SASH1: variants seen among roughly 807,000 people sequenced by gnomAD.
SASH1 encodes SAM and SH3 domain-containing protein 1.
In SASH1, 44 loss-of-function variants were observed where a neutral mutation model predicts 125.2. The observed-to-expected ratio is 0.35, with a 90% CI of 0.28 to 0.45. The LOEUF is 0.45. Among genes scored for constraint, SASH1 ranks in the 20% least tolerant of loss-of-function variants. The probability of loss-of-function intolerance (pLI) is 1.00; values close to 1 mark genes in which losing one functional copy is unlikely to be tolerated. For missense variants in SASH1, 1,426 were observed against 1,614.5 expected (o/e 0.88, Z 2.00); for synonymous variants, 639 against 649.1 (o/e 0.98, Z 0.24).
intron 8 of SASH1, among the ~76,000 whole-genome samples, chr6:148,491,221 G>A (rs1779093441): frequency 6.6e-6 from 1 of 152,174 alleles, no homozygotes; most frequent in Non-Finnish European, 1.5e-5. Context: ...CCAATGTCCA[G>A]CTCCTATAGA....
intron 16 of SASH1, among the ~76,000 whole-genome samples, chr6:148,536,662 T>C (rs772287993): frequency 5.9e-5 from 9 of 152,160 alleles, no homozygotes; most frequent in Admixed American, 2.0e-4. Flanking sequence ...ATATATACTC[T>C]CCATGACATT....
At chr6:148,461,740 T>G (rs141509626) in intron 4 of SASH1, among the ~76,000 whole-genome samples, 1 of 152,332 alleles carries the variant, frequency 6.6e-6, no homozygotes, top group East Asian at 1.9e-4. Flanking sequence ...TAGTATGAAT[T>G]GAATTTTGTT....
chr6:148,428,952 A>G (rs1367668610), intron 2 of SASH1, among the ~76,000 whole-genome samples: 1 of 152,122 alleles, frequency 6.6e-6, no homozygotes, highest in Non-Finnish European at 1.5e-5. Context: ...AATGACTAAC[A>G]TCTTCTGCTA....
chr6:148,362,881 G>C (rs993660636), intron 1 of SASH1, among the ~76,000 whole-genome samples: 2 of 152,160 alleles, frequency 1.3e-5, no homozygotes, highest in African/African-American at 4.8e-5. Context: ...TAGTGGAATT[G>C]AGTTAAAGTT....
intron 1 of SASH1, among the ~76,000 whole-genome samples, chr6:148,326,996 C>T (rs1249895368): frequency 6.6e-6 from 1 of 152,154 alleles, no homozygotes; most frequent in African/African-American, 2.4e-5. Flanking sequence ...TTTACTTCCC[C>T]TACTGGCTGG....
chr6:148,255,654 T>C, the SASH1 span, among the ~76,000 whole-genome samples: 1 of 152,250 alleles, frequency 6.6e-6, no homozygotes, highest in South Asian at 2.1e-4. Context: ...TTTTTTTCTT[T>C]TGAGACAGGG....
intron 1 of SASH1, among the ~76,000 whole-genome samples, chr6:148,302,311 CAAAAAAAAAAAAAAAAA>C (rs1174644909): frequency 2.2e-5 from 1 of 44,872 alleles, no homozygotes; most frequent in African/African-American, 8.7e-5. Flanking sequence ...GACTCCGTCT[CAAAAAAAAAAAAAAAAA>C]AAAAAAAAAA....
chr6:148,346,699 G>T (rs903035596), intron 1 of SASH1, among the ~76,000 whole-genome samples: 14 of 152,142 alleles, frequency 9.2e-5, no homozygotes, highest in African/African-American at 3.4e-4. Context: ...TAATGTAATG[G>T]GTTACATTTA....
Position 148,514,466 on chromosome 6 carries a change from A to G in SASH1, c.862+10A>G. Reference sequence around the variant, plus strand: ...AAACCCAGCACTGAAGGTAAAAAAAAAAAAAAAAAAAAAAAAAAAAGGCAG... The same window carrying G: ...AAACCCAGCACTGAAGGTAAAAAAAGAAAAAAAAAAAAAAAAAAAAGGCAG... On this transcript the variant is annotated intron_variant, in intron 9 of 19. Transcript: ENST00000367467. 1 of 1,302,182 alleles carries G rather than the reference A, an allele frequency of 7.7e-7. No individual in the cohort carries two copies. Among genetic ancestry groups the G allele is most frequent in the Non-Finnish European group, 1.0e-6 (1 of 1,001,140 alleles). The allele number at this position is 1,302,182 out of a possible 1,614,324, so 80.7% of individuals were successfully genotyped here.
At chr6:148,545,669 A>G (rs998814287) in intron 18 of SASH1, among the ~76,000 whole-genome samples, 142 of 152,374 alleles carry the variant, frequency 9.3e-4, no homozygotes, top group African/African-American at 3.3e-3. Flanking sequence ...TTCTGCCTTA[A>G]CTATGCTTCA....
intron 1 of SASH1, among the ~76,000 whole-genome samples, chr6:148,337,603 C>T (rs1216766006): frequency 6.6e-6 from 1 of 152,114 alleles, no homozygotes; most frequent in Non-Finnish European, 1.5e-5. Context: ...CTCAGGTGAT[C>T]CGCCTGCCTG....
intron 11 of SASH1, 118 bp from the exon 12 acceptor site, chr6:148,527,335 C>T (rs184972144): frequency 4.6e-4 from 401 of 874,754 alleles, no homozygotes; most frequent in African/African-American, 9.0e-4. Flanking sequence ...ACAAGAAAAA[C>T]GTCAAGATCC....
In SASH1 at chr6:148,548,595, C is replaced by G. The variant is rs770547400; in HGVS notation, c.*37C>G. 5.2e-6 allele frequency: 8 copies of G among 1,547,600 alleles called. No individual in the cohort carries two copies. The Middle Eastern group carries it at 8.9e-4, about 172-fold the overall frequency. On this transcript the variant is annotated 3_prime_UTR_variant, in exon 20 of 20. Coordinates refer to ENST00000367467, the MANE Select transcript of SASH1 (RefSeq NM_015278.5). ...ATGGGCCTCTCTGGACAAGAGCCAC[C>G]CTTTCACTGTGCATATGATGCTGAT...
At chr6:148,312,424 C>T (rs1352869388) in intron 1 of SASH1, among the ~76,000 whole-genome samples, 2 of 152,122 alleles carry the variant, frequency 1.3e-5, no homozygotes, top group African/African-American at 4.8e-5. Flanking sequence ...GGGAGGATTG[C>T]TTGAGCCTAG....
intron 7 of SASH1, among the ~76,000 whole-genome samples, chr6:148,483,346 A>T (rs935816597): frequency 6.6e-6 from 1 of 152,104 alleles, no homozygotes; most frequent in South Asian, 2.1e-4. Flanking sequence ...GTATTAAACT[A>T]TTCTTAAGGG....
chr6:148,361,914 CTTTTTT>C (rs745596285), intron 1 of SASH1, among the ~76,000 whole-genome samples: 4 of 125,516 alleles, frequency 3.2e-5, no homozygotes, highest in African/African-American at 9.0e-5. Flanking sequence ...TTTTCTTTTT[CTTTTTT>C]TTTTTTTTTT....
At chr6:148,194,418 T>C in the SASH1 span, among the ~76,000 whole-genome samples, 1 of 152,228 alleles carries the variant, frequency 6.6e-6, no homozygotes, top group Non-Finnish European at 1.5e-5. Flanking sequence ...TCAGCTTCAT[T>C]GGAAATAGAA....
intron 1 of SASH1, chr6:148,283,328 C>T (rs1446698286): frequency 6.6e-6 from 1 of 152,282 alleles, no homozygotes; most frequent in Non-Finnish European, 1.5e-5. Flanking sequence ...GCCCCAGAGG[C>T]CCCCAGACTC....
upstream of SASH1, among the ~76,000 whole-genome samples, chr6:148,340,250 T>C (rs1327411544): frequency 1.3e-5 from 2 of 151,976 alleles, no homozygotes. Context: ...TTTGGGAGGC[T>C]GAGGCGGGTG....
Sources: gnomAD v4.1 joint callset for allele counts (sites outside exome capture counted in the v4.1 genomes callset) on GRCh38, gnomAD v4.1.1 for gene constraint, MANE v1.5 for transcripts, NCBI Gene and HGNC (gene_info 2026-07-23, HGNC 2026-07-21) for gene names.